The following RABL6 variants were observed in gnomAD, a reference collection of about 807,000 sequenced individuals.
RABL6 encodes the protein rab-like protein 6.
A neutral mutation model predicts 72.9 loss-of-function variants in RABL6; 28 were observed. The observed-to-expected ratio is 0.38, with a 90% confidence interval of 0.28 to 0.53. RABL6 has a LOEUF of 0.53. Among genes scored for constraint, RABL6 ranks in the 20% least tolerant of loss-of-function variants. RABL6 has a pLI of 0.80. For missense variants in RABL6, 1,029 were observed against 1,008.4 expected (o/e 1.02, Z -0.28); for synonymous variants, 477 against 421.2 (o/e 1.13, Z -1.62).
Position 136,839,756 on chromosome 9 carries a change from G to A in RABL6, c.1821G>A (p.Glu607=). 1 of 1,611,964 alleles carries A rather than the reference G, an allele frequency of 6.2e-7. No individual in the cohort carries two copies. Among genetic ancestry groups the A allele is most frequent in the Non-Finnish European group, 8.5e-7 (1 of 1,179,328 alleles). ...DVTDEDEGPA[E]PPPPPKLPLP... ...CTGACGAGGATGAGGGCCCTGCCGA[G>A]CCGCCCCCACCCCCCAAGCTCCCTC... The change falls in exon 13 of 15, where the codon GAG becomes GAA. Residue 607 remains glutamate, a synonymous_variant. Coordinates refer to ENST00000311502, the MANE Select transcript of RABL6 (RefSeq NM_024718.5).
At chr9:136,810,276 A>G (rs1847980234) in intron 1 of RABL6, among the ~76,000 whole-genome samples, 1 of 152,204 alleles carries the variant, frequency 6.6e-6, no homozygotes, top group Non-Finnish European at 1.5e-5. Context: ...CTCATGCACC[A>G]GGACCACCCC....
chr9:136,823,891 G>A (rs1286185492), intron 2 of RABL6, among the ~76,000 whole-genome samples: 1 of 152,260 alleles, frequency 6.6e-6, no homozygotes, highest in Non-Finnish European at 1.5e-5. Context: ...TCAGCTTGGG[G>A]CAGCGTTGGC....
chr9:136,837,074 A>T, intron 8 of RABL6: 1 of 583,342 alleles, frequency 1.7e-6, no homozygotes, highest in East Asian at 3.0e-5. Flanking sequence ...ACGGGGTTTC[A>T]CTGCGTTAGC....
At chr9:136,839,931 GCTGCTGGCCGCTGGCCGGGGTCCTCTC>G in intron 13 of RABL6, 66 bp downstream of exon 13, 1 of 1,550,346 alleles carries the variant, frequency 6.5e-7, no homozygotes. Context: ...CCTCCTCCCA[GCTGCTGGCCGCTGGCCGGGGTCCTCTC>G]CTGAGTCCAG....
In RABL6 at chr9:136,831,836, C is replaced by T. The variant is rs757581080; in HGVS notation, c.574C>T (p.Arg192Cys). 6.8e-6 allele frequency: 11 copies of T among 1,612,458 alleles called. No individual in the cohort carries two copies. The highest frequency in any genetic ancestry group is 2.7e-5 in the African/African-American group (2 of 75,020). The stretch of plus-strand genomic sequence containing the variant: ...CCGAGTCATCCTGCCGGACGACGTG[C>T]GTGACTTCATCGACAACCTGGACAG... The part of the protein sequence containing the change: ...EHRVILPDDV[R>C]DFIDNLDRPP... Residue 192 changes from arginine (R) to cysteine (C), a missense_variant, in exon 6 of 15, where the codon CGT (arginine) becomes TGT (cysteine). Physicochemically the swap from Arg to Cys is radical, Grantham distance 180. Around this residue, in one of 2 missense-constraint regions of RABL6, gnomAD observed 434 missense variants for 536.1 expected, o/e 0.81. Transcript: ENST00000311502.
chr9:136,815,117 T>C (rs1037813315), intron 1 of RABL6: 5 of 258,068 alleles, frequency 1.9e-5, no homozygotes, highest in Admixed American at 1.7e-4. Flanking sequence ...CGCTGCTGCC[T>C]TCATCACTGC....
chr9:136,813,555 T>C, intron 1 of RABL6: 1 of 396,750 alleles, frequency 2.5e-6, no homozygotes, highest in Non-Finnish European at 4.7e-6. Context: ...AACCTCAATA[T>C]AAGCAGTCCC....
intron 1 of RABL6, chr9:136,815,068 C>T (rs1588348131): frequency 9.8e-6 from 2 of 204,528 alleles, no homozygotes; most frequent in Non-Finnish European, 2.0e-5. Context: ...CAGCATCGTC[C>T]TCATCGTCCT....
At chr9:136,818,799 C>G (rs547257651) in intron 1 of RABL6, among the ~76,000 whole-genome samples, 1 of 151,472 alleles carries the variant, frequency 6.6e-6, no homozygotes, top group East Asian at 1.9e-4. Flanking sequence ...CAGTGGTGAT[C>G]ATGATTTATA....
chr9:136,821,332 C>T, intron 1 of RABL6: 3 of 985,390 alleles, frequency 3.0e-6, no homozygotes, highest in Non-Finnish European at 3.6e-6. Context: ...ACGCCCCACT[C>T]CCGGGAAAGA....
At chr9:136,816,292 A>G (rs895883008) in intron 1 of RABL6, among the ~76,000 whole-genome samples, 6 of 151,914 alleles carry the variant, frequency 3.9e-5, no homozygotes, top group African/African-American at 1.2e-4. Context: ...TTTTGTAGAG[A>G]CAGTGTTTCA....
rs370489976 is a variant in RABL6, at chr9:136,837,478, C to T, written c.942C>T (p.Pro314=). The T allele has an allele frequency of 8.1e-4, 1,251 of 1,551,206 alleles. 2 individuals are homozygous for T. Among genetic ancestry groups the T allele is most frequent in the Middle Eastern group, 2.8e-3 (14 of 5,026 alleles). ...AGAVSTGSSS[P]GTPQPAPQLP... is the part of the protein sequence containing the mutation. ...CTGTGTCCACGGGGAGCTCCAGCCC[C>T]GGCACACCCCAGCCCGCCCCACAGC... The change falls in exon 9 of 15, where the codon CCC becomes CCT. Residue 314 remains proline (P), a synonymous_variant. Coordinates refer to ENST00000311502, the MANE Select transcript of RABL6 (RefSeq NM_024718.5).
At chr9:136,814,332 C>T (rs1039598714) in intron 1 of RABL6, 1 of 165,266 alleles carries the variant, frequency 6.1e-6, no homozygotes, top group South Asian at 1.4e-4. Context: ...CAGGCACGCA[C>T]CACTACGCCC....
intron 7 of RABL6, chr9:136,834,468 A>T (rs1402458186): frequency 2.0e-6 from 2 of 983,436 alleles, no homozygotes; most frequent in African/African-American, 1.8e-5. Context: ...TAGCCTGGGG[A>T]CCTTAATGAC....
intron 7 of RABL6, chr9:136,832,703 C>T: frequency 2.7e-6 from 1 of 377,260 alleles, no homozygotes; most frequent in Non-Finnish European, 5.1e-6. Flanking sequence ...GCAATCATGG[C>T]TCACTGCGGC....
chr9:136,821,390 C>G (rs531132260), intron 1 of RABL6: 9 of 985,454 alleles, frequency 9.1e-6, no homozygotes, highest in Non-Finnish European at 1.1e-5. Flanking sequence ...AAGCACAGCG[C>G]GTGGGCCGCC....
intron 1 of RABL6, among the ~76,000 whole-genome samples, chr9:136,811,344 G>T (rs200129020): frequency 1.3e-5 from 2 of 152,046 alleles, no homozygotes; most frequent in African/African-American, 4.8e-5. Context: ...TTTGCCGGGC[G>T]CGGTGGCTCA....
chr9:136,822,034 A>T, intron 1 of RABL6: 1 of 1,289,402 alleles, frequency 7.8e-7, no homozygotes, highest in Non-Finnish European at 1.0e-6. Context: ...GCTTCAGGGG[A>T]GAAGAAATGA....
Position 136,826,004 on chromosome 9 carries a change from C to T in RABL6, c.313+178C>T, listed in dbSNP as rs1271727370. On this transcript the variant is annotated intron_variant, in intron 3 of 14. Transcript: ENST00000311502. This position sits in a 1 kb window ranked among gnomAD's most constrained non-coding sequence, Gnocchi z 4.9. ...GGCGACCCCGCAGCGTGGCGCAGCC[C>T]CTCCTGTGGCACTGCATGCTTTGCT... is the stretch of plus-strand genomic sequence containing the variant. Among the ~76,000 whole-genome samples the T allele has an allele frequency of 6.6e-6, 1 of 152,204 alleles. No homozygotes were observed. Among genetic ancestry groups the T allele is most frequent in the East Asian group, 1.9e-4 (1 of 5,202 alleles).
Sources: gnomAD v4.1 joint callset for allele counts (sites outside exome capture counted in the v4.1 genomes callset) on GRCh38, gnomAD v4.1.1 for gene constraint, gnomAD v4.1.1 regional missense constraint, Gnocchi (gnomAD v3.1) non-coding constraint, MANE v1.5 for transcripts, NCBI Gene and HGNC (gene_info 2026-07-23, HGNC 2026-07-21) for gene names.